FER1L6: variants seen among roughly 807,000 people sequenced by gnomAD.
FER1L6 encodes the protein fer-1-like protein 6.
FER1L6 carries 177 observed loss-of-function variants against 219.2 expected under a neutral mutation model. The ratio of observed to expected loss-of-function variants is 0.81; its 90% CI spans 0.71 to 0.91. FER1L6 has a LOEUF of 0.91. Ranked by LOEUF, FER1L6 falls within the 40% of genes least tolerant of loss-of-function variation. The pLI is 0.00. For missense variants in FER1L6, 2,153 were observed against 2,259.9 expected (o/e 0.95, Z 0.96); for synonymous variants, 768 against 824.3 (o/e 0.93, Z 1.17).
intron 1 of FER1L6, among the ~76,000 whole-genome samples, chr8:123,937,529 T>TTG (rs1814057607): frequency 1.3e-5 from 2 of 152,094 alleles, no homozygotes; most frequent in Non-Finnish European, 2.9e-5. Flanking sequence ...CTAATACTCA[T>TTG]AAAACCCTTG....
At chr8:124,072,298 G>A (rs1821113488) in intron 31 of FER1L6, among the ~76,000 whole-genome samples, 1 of 152,186 alleles carries the variant, frequency 6.6e-6, no homozygotes. Context: ...CAAGAAAGAT[G>A]TTAACTCCTC....
At chr8:124,092,962 T>TA (rs1822108543) in intron 34 of FER1L6, among the ~76,000 whole-genome samples, 1 of 151,640 alleles carries the variant, frequency 6.6e-6, no homozygotes, top group East Asian at 1.9e-4. Context: ...TAGCTGGGAT[T>TA]ACAGGCATGC....
intron 11 of FER1L6, chr8:123,985,767 C>T (rs16899177): frequency 4.2e-6 from 1 of 238,094 alleles, no homozygotes; most frequent in African/African-American, 2.3e-5. Context: ...GTTTCACCAG[C>T]AGCATCCTAG....
In FER1L6 at chr8:124,064,589, C is replaced by G; in HGVS notation, c.3555+16C>G. The G allele has an allele frequency of 6.2e-7, 1 of 1,606,950 alleles. No homozygotes were observed. On this transcript the variant is annotated intron_variant, in intron 26 of 40. Coordinates refer to ENST00000522917, the MANE Select transcript of FER1L6 (RefSeq NM_001039112.2). ...AAAACCTAAGGTCAGACTAAAATCC[C>G]TCTCTATATTTACAAGGCTCATTGG...
intron 13 of FER1L6, among the ~76,000 whole-genome samples, chr8:124,004,445 C>A (rs529316054): frequency 6.6e-6 from 1 of 152,138 alleles, no homozygotes; most frequent in Non-Finnish European, 1.5e-5. Flanking sequence ...TACATCTCTA[C>A]GCTCCTCAGT....
intron 1 of FER1L6, among the ~76,000 whole-genome samples, chr8:123,924,443 G>C (rs538311003): frequency 9.2e-5 from 14 of 152,050 alleles, no homozygotes; most frequent in African/African-American, 2.9e-4. Flanking sequence ...TTGGGAGGCT[G>C]AGGCAGGAGA....
At chr8:123,857,176 T>G (rs1446804262) in intron 1 of FER1L6, among the ~76,000 whole-genome samples, 1 of 152,190 alleles carries the variant, frequency 6.6e-6, no homozygotes, top group Non-Finnish European at 1.5e-5. Flanking sequence ...GTTATTAGAA[T>G]GTTTTGTTTT....
Position 123,963,352 on chromosome 8 carries a change from G to T in FER1L6, c.151G>T (p.Asp51Tyr). 1 of 1,614,168 alleles carries T rather than the reference G, an allele frequency of 6.2e-7. No individual in the cohort carries two copies. Among genetic ancestry groups the T allele is most frequent in the Admixed American group, 1.7e-5 (1 of 60,028 alleles). The change falls in exon 3 of 41, where the codon GAT becomes TAT. Residue 51 changes from aspartate to tyrosine, a missense_variant. Transcript: ENST00000522917. The part of the protein sequence containing the change: ...QEGPRGDLVH[D>Y]DASIFPVPSA... ...AGGACCGAGAGGAGATTTGGTCCAT[G>T]ATGATGCTTCTATCTTTCCTGTCCC... is the stretch of plus-strand genomic sequence containing the variant.
chr8:123,853,579 T>C lies in FER1L6; in HGVS notation c.-8+1394T>C, dbSNP rs539285202. On this transcript the variant is annotated intron_variant, in intron 1 of 40. Coordinates refer to ENST00000522917, the MANE Select transcript of FER1L6 (RefSeq NM_001039112.2). The surrounding 1 kb of genome is among the most constrained non-coding windows in gnomAD (Gnocchi z 6.6). ...TTACTTTTTTCCTGGGGTATTGTAT[T>C]AATCAGGGGAGATTTTACAAGGGTG... Among the ~76,000 whole-genome samples, 34 of 152,360 alleles carry C rather than the reference T, an allele frequency of 2.2e-4. No homozygotes were observed. The highest frequency in any genetic ancestry group is 7.9e-4 in the African/African-American group (33 of 41,588).
chr8:123,857,876 T>C (rs1816676745), intron 1 of FER1L6, among the ~76,000 whole-genome samples: 1 of 152,238 alleles, frequency 6.6e-6, no homozygotes, highest in African/African-American at 2.4e-5. Flanking sequence ...TTCACGTCTG[T>C]TCTCAAGCTC....
At chr8:124,092,819 C>A (rs1279617865) in intron 34 of FER1L6, among the ~76,000 whole-genome samples, 1 of 150,022 alleles carries the variant, frequency 6.7e-6, no homozygotes, top group Admixed American at 6.7e-5. Flanking sequence ...ATGGCCAGAG[C>A]AGGACGAAGA....
At chr8:123,894,917 T>C (rs954091063) in intron 1 of FER1L6, among the ~76,000 whole-genome samples, 5 of 152,186 alleles carry the variant, frequency 3.3e-5, no homozygotes, top group African/African-American at 9.7e-5. Context: ...TCTATATTGA[T>C]ATAAACAAGT....
In FER1L6 at chr8:123,956,080, G is replaced by T; in HGVS notation, c.76+6G>T. The T allele has an allele frequency of 6.2e-7, 1 of 1,608,468 alleles. No individual in the cohort carries two copies. Among genetic ancestry groups the T allele is most frequent in the Non-Finnish European group, 8.5e-7 (1 of 1,177,762 alleles). On this transcript the variant is annotated splice_donor_region_variant and intron_variant, in intron 2 of 40. Coordinates refer to ENST00000522917, the MANE Select transcript of FER1L6 (RefSeq NM_001039112.2). Reference sequence around the variant, plus strand: ...AGCCAACAAGGCTGCGAAAGGTGAGGCTGGGGGTGGGGTGCTGACCATTGG... The same window carrying T: ...AGCCAACAAGGCTGCGAAAGGTGAGTCTGGGGGTGGGGTGCTGACCATTGG...
In FER1L6 at chr8:123,853,447, A is replaced by G. The variant is rs1816560807; in HGVS notation, c.-8+1262A>G. Among the ~76,000 whole-genome samples, 1 of 152,170 alleles carries G rather than the reference A, an allele frequency of 6.6e-6. No individual in the cohort carries two copies. The highest frequency in any genetic ancestry group is 1.5e-5 in the Non-Finnish European group (1 of 68,024). On this transcript the variant is annotated intron_variant, in intron 1 of 40. Transcript: ENST00000522917. The surrounding 1 kb of genome is among the most constrained non-coding windows in gnomAD (Gnocchi z 6.6). ...TGGGATTATAGGCGTGAGCCACCGT[A>G]CCCGGCCTAAAATAGAAGAAATCAT... is the stretch of plus-strand genomic sequence containing the variant.
At chr8:123,875,193 T>TA (rs147092394) in intron 1 of FER1L6, among the ~76,000 whole-genome samples, 21 of 151,228 alleles carry the variant, frequency 1.4e-4, no homozygotes, top group African/African-American at 3.6e-4. Context: ...AGACTCAGTC[T>TA]AAAAAAAAAC....
chr8:123,932,765 T>C (rs1293898236), intron 1 of FER1L6, among the ~76,000 whole-genome samples: 1 of 152,236 alleles, frequency 6.6e-6, no homozygotes, highest in African/African-American at 2.4e-5. Context: ...TTAAACACAT[T>C]CATTGAGCAC....
At chr8:123,993,336 G>A (rs1002433716) in intron 12 of FER1L6, among the ~76,000 whole-genome samples, 1 of 150,936 alleles carries the variant, frequency 6.6e-6, no homozygotes. Flanking sequence ...CAGCTACTTG[G>A]GAGGCTGAGG....
intron 1 of FER1L6, among the ~76,000 whole-genome samples, chr8:123,946,970 T>C (rs902997929): frequency 6.6e-6 from 1 of 152,104 alleles, no homozygotes; most frequent in Non-Finnish European, 1.5e-5. Context: ...TGAATGACTA[T>C]AAGAGACTGG....
At chr8:123,977,717 C>A in intron 10 of FER1L6, 108 bp downstream of exon 10, 2 of 956,696 alleles carry the variant, frequency 2.1e-6, no homozygotes, top group Non-Finnish European at 3.1e-6. Context: ...TTTCTGGCAC[C>A]AGATACCAGT....
Sources: gnomAD v4.1 joint callset for allele counts (sites outside exome capture counted in the v4.1 genomes callset) on GRCh38, gnomAD v4.1.1 for gene constraint, Gnocchi (gnomAD v3.1) non-coding constraint, MANE v1.5 for transcripts, NCBI Gene and HGNC (gene_info 2026-07-23, HGNC 2026-07-21) for gene names.